The following MACF1 variants were observed in gnomAD, a reference collection of about 807,000 sequenced individuals.
MACF1 encodes microtubule actin crosslinking factor 1.
Under a neutral mutation model 854.8 loss-of-function variants are expected in MACF1, and 193 were observed. The observed-to-expected ratio is 0.23, with a 90% CI of 0.20 to 0.25. The LOEUF is 0.25. Among genes scored for constraint, MACF1 ranks in the 10% least tolerant of loss-of-function variants. The probability of loss-of-function intolerance (pLI) is 1.00; values close to 1 mark genes in which losing one functional copy is unlikely to be tolerated. For synonymous variants in MACF1, 3,185 were observed against 3,226.7 expected, an observed-to-expected ratio of 0.99 and a Z score of 0.44; for missense variants, 7,722 against 8,929.1, an observed-to-expected ratio of 0.86 and a Z score of 5.45.
chr1:39,296,037 G>A (rs1241219665), intron 20 of MACF1, among the ~76,000 whole-genome samples, 155 bp downstream of exon 20: 1 of 152,228 alleles, frequency 6.6e-6, no homozygotes, highest in Admixed American at 6.5e-5. Flanking sequence ...TCATGATTCA[G>A]TAGGTGAGCA....
intron 2 of MACF1, among the ~76,000 whole-genome samples, chr1:39,156,904 C>T (rs1571112079): frequency 6.6e-6 from 1 of 152,012 alleles, no homozygotes; most frequent in East Asian, 1.9e-4. Context: ...GTTCTGTTGA[C>T]TGACTAGTAG....
intron 2 of MACF1, among the ~76,000 whole-genome samples, chr1:39,160,152 C>T (rs1182053749): frequency 1.3e-5 from 2 of 152,010 alleles, no homozygotes; most frequent in Admixed American, 6.6e-5. Context: ...CCCATCTCTA[C>T]AGAAATGTTA....
rs1411428528 is a variant in MACF1, at chr1:39,331,725, C to A, written c.5137C>A (p.Leu1713Met). The change falls in exon 37 of 101, where the codon CTG (leucine) becomes ATG (methionine). Residue 1713 changes from leucine (L) to methionine (M), a missense_variant. Leu to Met is a conservative substitution (Grantham distance 15, BLOSUM62 2). Coordinates refer to ENST00000564288, the MANE Select transcript of MACF1 (RefSeq NM_001394062.1). The stretch of plus-strand genomic sequence containing the variant: ...AGCTGAGAAAATTGGTTTGCTGGAT[C>A]TGATGCAGCGATGTATTGTCCACCA... ...NTAEKIGLLD[L>M]MQRCIVHQES... The A allele has an allele frequency of 6.2e-7, 1 of 1,614,064 alleles. No individual in the cohort carries two copies. Among genetic ancestry groups the A allele is most frequent in the African/African-American group, 1.3e-5 (1 of 74,922 alleles).
chr1:39,102,169 C>G (rs1016976260), intron 2 of MACF1, among the ~76,000 whole-genome samples: 1 of 137,720 alleles, frequency 7.3e-6, no homozygotes, highest in Non-Finnish European at 1.5e-5. Context: ...AGCGAGACTC[C>G]GTCAAAAAAA....
chr1:39,370,269 A>C (rs1035500615), intron 51 of MACF1, 83 bp downstream of exon 51: 1 of 1,269,388 alleles, frequency 7.9e-7, no homozygotes, highest in African/African-American at 1.5e-5. Flanking sequence ...TGTGGTGGGG[A>C]AATGTATGAG....
chr1:39,242,101 A>G (rs1336044237), intron 2 of MACF1, among the ~76,000 whole-genome samples: 1 of 152,184 alleles, frequency 6.6e-6, no homozygotes, highest in Non-Finnish European at 1.5e-5. Flanking sequence ...TAATCCCAGC[A>G]CTTTGGGAGG....
chr1:39,438,388 T>G (rs1644026365), intron 71 of MACF1, among the ~76,000 whole-genome samples: 1 of 152,246 alleles, frequency 6.6e-6, no homozygotes, highest in Non-Finnish European at 1.5e-5. Flanking sequence ...AGGGGTTTTG[T>G]ATCTTAGCAC....
At chr1:39,317,841 T>C (rs1646442268) in intron 29 of MACF1, among the ~76,000 whole-genome samples, 1 of 152,234 alleles carries the variant, frequency 6.6e-6, no homozygotes, top group Admixed American at 6.5e-5. Flanking sequence ...GAGGTCCTGC[T>C]TCTAATGACA....
chr1:39,324,426 TG>T (rs1646571353), intron 34 of MACF1, 81 bp downstream of exon 34: 1 of 1,516,604 alleles, frequency 6.6e-7, no homozygotes. Flanking sequence ...AAGTCACATG[TG>T]GGCCATTCCA....
chr1:39,381,850 C>T (rs1017773013), intron 55 of MACF1, 103 bp from the exon 56 acceptor site: 42 of 810,776 alleles, frequency 5.2e-5, no homozygotes, highest in Non-Finnish European at 7.8e-5. Context: ...AAATAAATAA[C>T]GCTTCTGGGG....
Position 39,131,512 on chromosome 1 carries a change from A to G in MACF1, c.220+47074A>G, listed in dbSNP as rs16825825. On this transcript the variant is annotated intron_variant, in intron 2 of 93. Transcript: ENST00000361689. ...TTGATGTCAGATCCCTCTGAATAACAAGTTATTTGCCTTTTTTTCCCTCCA... is the reference window on the plus strand; with the variant it reads ...TTGATGTCAGATCCCTCTGAATAACGAGTTATTTGCCTTTTTTTCCCTCCA... Among the ~76,000 whole-genome samples the G allele has an allele frequency of 9.2e-3, 1,395 of 152,082 alleles. 26 individuals are homozygous for G. Among genetic ancestry groups the G allele is most frequent in the African/African-American group, 0.032 (1,323 of 41,458 alleles).
At chr1:39,160,295 G>GGC (rs1643771269) in intron 2 of MACF1, among the ~76,000 whole-genome samples, 2 of 152,330 alleles carry the variant, frequency 1.3e-5, no homozygotes, top group African/African-American at 2.4e-5. Context: ...AGAGTCTGGA[G>GGC]TGAGAAGAGT....
chr1:39,354,758 C>T (rs147531680), intron 44 of MACF1, among the ~76,000 whole-genome samples: 21 of 152,266 alleles, frequency 1.4e-4, no homozygotes, highest in Middle Eastern at 3.4e-3. Context: ...GTCTGTATTG[C>T]CCTCTAGATG....
chr1:39,374,992 C>A (rs1188815702), intron 52 of MACF1, among the ~76,000 whole-genome samples: 1 of 151,346 alleles, frequency 6.6e-6, no homozygotes, highest in Non-Finnish European at 1.5e-5. Context: ...TGCCTGTAGT[C>A]CCAGCTACTC....
In MACF1 at chr1:39,422,465, A is replaced by G. The variant is rs2148637049; in HGVS notation, c.15908A>G (p.Asp5303Gly). The change falls in exon 59 of 101, where the codon GAC becomes GGC. Residue 5303 changes from aspartate to glycine, a missense_variant. Asp to Gly is a moderately conservative substitution (Grantham distance 94). Around this residue, in one of 15 missense-constraint regions of MACF1, gnomAD observed 2,807 missense variants for 3,235.8 expected, o/e 0.87. Coordinates refer to ENST00000564288, the MANE Select transcript of MACF1 (RefSeq NM_001394062.1). ...GQGLIQSAGK[D>G]CDVQGLEHDM... ...GGATTAATTCAGAGTGCAGGAAAAG[A>G]CTGTGATGTACAGGGTTTAGAACAT... is the stretch of plus-strand genomic sequence containing the variant. The G allele has an allele frequency of 6.2e-7, 1 of 1,614,114 alleles. No individual in the cohort carries two copies. The highest frequency in any genetic ancestry group is 1.6e-4 in the Middle Eastern group (1 of 6,062).
At chr1:39,424,288 A>AT (rs564749895) in intron 61 of MACF1, 94 bp downstream of exon 61, 9 of 1,116,864 alleles carry the variant, frequency 8.1e-6, no homozygotes, top group Middle Eastern at 2.7e-4. Context: ...ATTCATATAG[A>AT]TTTTTGGAAG....
In MACF1 at chr1:39,293,583, C is replaced by A; in HGVS notation, c.2118C>A (p.Asn706Lys). 6.2e-7 allele frequency: 1 copy of A among 1,613,546 alleles called. No individual in the cohort carries two copies. Among genetic ancestry groups the A allele is most frequent in the Admixed American group, 1.7e-5 (1 of 60,000 alleles). ...AACTAGCATATGACTGGAGTGACAA[C>A]AATTCCAATATCTCAGCCAAGAGAA... is the stretch of plus-strand genomic sequence containing the variant. Reference protein sequence around the residue: ...EEELAYDWSDNNSNISAKRNY... With the variant: ...EEELAYDWSDKNSNISAKRNY... Residue 706 changes from asparagine to lysine, a missense_variant, in exon 18 of 101, where the codon AAC (asparagine) becomes AAA (lysine). This residue lies in a region of MACF1 where 1,137 missense variants were observed against 1,263.0 expected (regional missense o/e 0.90). Coordinates refer to ENST00000564288, the MANE Select transcript of MACF1 (RefSeq NM_001394062.1).
At position 39,124,865 on chromosome 1, in the gene MACF1, C is replaced by T. The variant is rs577597199; in HGVS notation, c.220+40427C>T. Among the ~76,000 whole-genome samples the T allele has an allele frequency of 1.2e-4, 18 of 152,344 alleles. No homozygotes were observed. In the East Asian group the frequency reaches 2.5e-3, roughly 21 times the overall value. On this transcript the variant is annotated intron_variant, in intron 2 of 93. Coordinates refer to the MACF1 transcript ENST00000361689. Reference sequence around the variant, plus strand: ...ACAGGTTAAGTGACTTGCCTGAGATCACATAGCCAGTCAGTGGCAGAATCA... The same window carrying T: ...ACAGGTTAAGTGACTTGCCTGAGATTACATAGCCAGTCAGTGGCAGAATCA...
Position 39,287,577 on chromosome 1 carries a change from A to G in MACF1, c.1785+15A>G. ...AAGAGATGCAGGTGGGTGCATATCC[A>G]AAAGCTTATGCAGTACACTGATGTT... is the stretch of plus-strand genomic sequence containing the variant. On this transcript the variant is annotated intron_variant, in intron 15 of 100. Transcript: ENST00000564288. The G allele has an allele frequency of 6.2e-7, 1 of 1,613,974 alleles. No homozygotes were observed.
Sources: gnomAD v4.1 joint callset for allele counts (sites outside exome capture counted in the v4.1 genomes callset) on GRCh38, gnomAD v4.1.1 for gene constraint, gnomAD v4.1.1 regional missense constraint, MANE v1.5 for transcripts, NCBI Gene and HGNC (gene_info 2026-07-23, HGNC 2026-07-21) for gene names.